ID1: variants seen among roughly 807,000 people sequenced by gnomAD.
The protein encoded by ID1 is DNA-binding protein inhibitor ID-1.
A neutral mutation model predicts 11.3 loss-of-function variants in ID1; 8 were observed. That is an observed-to-expected ratio of 0.71 (90% confidence interval 0.42 to 1.28). The LOEUF (loss-of-function observed/expected upper bound fraction) is 1.28. Among genes scored for constraint, ID1 ranks in the 50% most tolerant of loss-of-function variants. The pLI is 0.01. For missense variants in ID1, 347 were observed against 219.8 expected, an observed-to-expected ratio of 1.58 and a Z score of -3.66; for synonymous variants, 176 against 100.2, an observed-to-expected ratio of 1.76 and a Z score of -4.52.
Position 31,605,826 on chromosome 20 carries a change from TC to T in ID1, c.426+15del. ...CCTGACGGCCGAGGTGAGATCCAGA[TC>T]CGACCACTAGATCATCCTTATACCG... On this transcript the variant is annotated intron_variant, in intron 1 of 1. Transcript: ENST00000376112. 4 of 1,610,748 alleles carry T rather than the reference TC, an allele frequency of 2.5e-6. No homozygotes were observed. The highest frequency in any genetic ancestry group is 3.4e-6 in the Non-Finnish European group (4 of 1,178,646).
Position 31,605,694 on chromosome 20 carries a change from A to G in ID1, c.307A>G (p.Arg103Gly), listed in dbSNP as rs1259083159. 1 of 1,611,604 alleles carries G rather than the reference A, an allele frequency of 6.2e-7. No homozygotes were observed. ...EILQHVIDYI[R>G]DLQLELNSES... ...TCTCCAGCACGTCATCGACTACATC[A>G]GGGACCTTCAGTTGGAGCTGAACTC... The change falls in exon 1 of 2, where the codon AGG (arginine) becomes GGG (glycine). Residue 103 changes from arginine to glycine, a missense_variant. Arg to Gly is a moderately radical substitution (Grantham distance 125, BLOSUM62 -2). Coordinates refer to ENST00000376112, the MANE Select transcript of ID1 (RefSeq NM_002165.4).
At position 31,606,127 on chromosome 20, in the gene ID1, C is replaced by T. The variant is rs746442620; in HGVS notation, c.*33C>T. On this transcript the variant is annotated 3_prime_UTR_variant, in exon 2 of 2. Coordinates refer to ENST00000376112, the MANE Select transcript of ID1 (RefSeq NM_002165.4). ...CCCCCAGGGACCGGCGGACCCCAGC[C>T]ATCCAGGGGGCAAGAGGAATTACGT... 1.3e-6 allele frequency: 2 copies of T among 1,597,090 alleles called. No individual in the cohort carries two copies. The highest frequency in any genetic ancestry group is 1.1e-5 in the South Asian group (1 of 90,740).
chr20:31,606,340 T>C lies in ID1; in HGVS notation c.*246T>C. The C allele has an allele frequency of 3.6e-6, 2 of 561,164 alleles. No homozygotes were observed. The highest frequency in any genetic ancestry group is 1.9e-5 in the African/African-American group (1 of 52,938). 34.8% of individuals were successfully genotyped at this position (561,164 alleles called of 1,614,324 possible). On this transcript the variant is annotated 3_prime_UTR_variant, in exon 2 of 2. Coordinates refer to ENST00000376112, the MANE Select transcript of ID1 (RefSeq NM_002165.4). ...GGGGGTGGGATTCCACTCGTGTGTT[T>C]CTATTTTTTGAAAAGCAGACATTTT...
chr20:31,605,382 A>AG lies in ID1; in HGVS notation c.-5dup. 1 of 1,596,934 alleles carries AG rather than the reference A, an allele frequency of 6.3e-7. No individual in the cohort carries two copies. The highest frequency in any genetic ancestry group is 8.5e-7 in the Non-Finnish European group (1 of 1,177,002). On this transcript the variant is annotated 5_prime_UTR_variant, in exon 1 of 2. Transcript: ENST00000376112. ...CCCATTCTGTTTCAGCCAGTCGCCA[A>AG]GAATCATGAAAGTCGCCAGTGGCAG... is the stretch of plus-strand genomic sequence containing the variant.
rs762454677 is a variant in ID1 at position 31,605,485 on chromosome 20, GCTGT to G, written c.106_109del (p.Glu37ArgfsTer25). On this transcript the variant is annotated frameshift_variant, in exon 1 of 2. Transcript: ENST00000376112. LOFTEE classifies it high-confidence loss of function. ...GCGAGCGGTGCGGGCGAGGTGGTGC[GCTGT>G]CTGTCTGAGCAGAGCGTGGCCATCT... 1.4e-5 allele frequency: 23 copies of G among 1,605,726 alleles called. 1 individual carries two copies. Among genetic ancestry groups the G allele is most frequent in the African/African-American group, 2.7e-5 (2 of 74,750 alleles).
Position 31,605,484 on chromosome 20 carries a change from C to A in ID1, c.97C>A (p.Arg33Ser). ...KTASGAGEVV[R>S]CLSEQSVAIS... ...AGCGAGCGGTGCGGGCGAGGTGGTG[C>A]GCTGTCTGTCTGAGCAGAGCGTGGC... The change falls in exon 1 of 2, where the codon CGC (arginine) becomes AGC (serine). Residue 33 changes from arginine (R) to serine (S), a missense_variant. Arg to Ser is a moderately radical substitution (Grantham distance 110, BLOSUM62 -1). Transcript: ENST00000376112. 6.2e-7 allele frequency: 1 copy of A among 1,605,840 alleles called. No homozygotes were observed. Among genetic ancestry groups the A allele is most frequent in the Non-Finnish European group, 8.5e-7 (1 of 1,175,920 alleles).
In ID1 at chr20:31,606,141, G is replaced by A. The variant is rs761909488; in HGVS notation, c.*47G>A. ...CGGACCCCAGCCATCCAGGGGGCAA[G>A]AGGAATTACGTGCTCTGTGGGTCTC... On this transcript the variant is annotated 3_prime_UTR_variant, in exon 2 of 2. Coordinates refer to ENST00000376112, the MANE Select transcript of ID1 (RefSeq NM_002165.4). 9.5e-6 allele frequency: 15 copies of A among 1,574,038 alleles called. No individual in the cohort carries two copies. The highest frequency in any genetic ancestry group is 1.3e-5 in the Non-Finnish European group (15 of 1,148,800).
Position 31,606,505 on chromosome 20 carries a change from A to G in ID1, c.*411A>G, listed in dbSNP as rs1309738235. Reference sequence around the variant, plus strand: ...TTTTGTTATTAAACAAATAATTTAGATGGTGGTAAAGTTGTAGTGACTTCT... The same window carrying G: ...TTTTGTTATTAAACAAATAATTTAGGTGGTGGTAAAGTTGTAGTGACTTCT... On this transcript the variant is annotated 3_prime_UTR_variant, in exon 2 of 2. Coordinates refer to ENST00000376112, the MANE Select transcript of ID1 (RefSeq NM_002165.4). 2.0e-5 allele frequency: 4 copies of G among 199,090 alleles called. No homozygotes were observed. The highest frequency in any genetic ancestry group is 4.7e-5 in the African/African-American group (2 of 42,222). The allele number at this position is 199,090 out of a possible 1,614,324, so 12.3% of individuals were successfully genotyped here.
rs752824585 is a variant in ID1 at position 31,605,338 on chromosome 20, C to T, written c.-50C>T. On this transcript the variant is annotated 5_prime_UTR_variant, in exon 1 of 2. Coordinates refer to ENST00000376112, the MANE Select transcript of ID1 (RefSeq NM_002165.4). ...TTTCCGTATCTGCTTCGGGCTTCCA[C>T]CTCATTTTTTTCGCTTTGCCCATTC... 17 of 1,528,656 alleles carry T rather than the reference C, an allele frequency of 1.1e-5. No individual in the cohort carries two copies. Among genetic ancestry groups the T allele is most frequent in the Non-Finnish European group, 1.2e-5 (14 of 1,133,236 alleles). 94.7% of individuals were successfully genotyped at this position (1,528,656 alleles called of 1,614,324 possible). A position where few individuals can be genotyped will look rare whatever the true frequency, so the allele number is the denominator to read the frequency against.
At position 31,605,790 on chromosome 20, in the gene ID1, G is replaced by A; in HGVS notation, c.403G>A (p.Glu135Lys). The change falls in exon 1 of 2, where the codon GAG becomes AAG. Residue 135 changes from glutamate (E) to lysine (K), a missense_variant. Physicochemically the swap from Glu to Lys is moderately conservative, Grantham distance 56. Coordinates refer to ENST00000376112, the MANE Select transcript of ID1 (RefSeq NM_002165.4). ...VRAPLSTLNG[E>K]ISALTAEAAC... is the part of the protein sequence containing the mutation. ...GGCTCCGCTCAGCACCCTCAACGGC[G>A]AGATCAGCGCCCTGACGGCCGAGGT... The A allele has an allele frequency of 1.2e-6, 2 of 1,611,464 alleles. No individual in the cohort carries two copies. Among genetic ancestry groups the A allele is most frequent in the Non-Finnish European group, 8.5e-7 (1 of 1,178,912 alleles).
At position 31,605,430 on chromosome 20, in the gene ID1, C is replaced by T. The variant is rs766275400; in HGVS notation, c.43C>T (p.Pro15Ser). The T allele has an allele frequency of 3.1e-6, 5 of 1,608,042 alleles. No homozygotes were observed. Among genetic ancestry groups the T allele is most frequent in the Non-Finnish European group, 4.2e-6 (5 of 1,178,492 alleles). The change falls in exon 1 of 2, where the codon CCC becomes TCC. Residue 15 changes from proline (P) to serine (S), a missense_variant. Physicochemically the swap from Pro to Ser is moderately conservative, Grantham distance 74. Transcript: ENST00000376112. ...CAGCACCGCCACCGCCGCCGCGGGC[C>T]CCAGCTGCGCGCTGAAGGCCGGCAA... ...SGSTATAAAG[P>S]SCALKAGKTA...
chr20:31,605,798 C>A lies in ID1; in HGVS notation c.411C>A (p.Ser137Arg). ...APLSTLNGEI[S>R]ALTAEAACVP... is the part of the protein sequence containing the mutation. ...TCAGCACCCTCAACGGCGAGATCAG[C>A]GCCCTGACGGCCGAGGTGAGATCCA... Residue 137 changes from serine to arginine, a missense_variant, in exon 1 of 2, where the codon AGC becomes AGA. Physicochemically the swap from Ser to Arg is moderately radical, Grantham distance 110. Transcript: ENST00000376112. The A allele has an allele frequency of 1.9e-6, 3 of 1,611,400 alleles. No individual in the cohort carries two copies. Among genetic ancestry groups the A allele is most frequent in the Non-Finnish European group, 2.5e-6 (3 of 1,178,912 alleles).
rs1481884045 is a variant in ID1 at position 31,605,292 on chromosome 20, C to T, written c.-96C>T. 8 of 1,178,826 alleles carry T rather than the reference C, an allele frequency of 6.8e-6. No homozygotes were observed. Among genetic ancestry groups the T allele is most frequent in the African/African-American group, 3.2e-5 (2 of 62,504 alleles). The allele number at this position is 1,178,826 out of a possible 1,614,324, so 73.0% of individuals were successfully genotyped here. On this transcript the variant is annotated 5_prime_UTR_variant, in exon 1 of 2. Transcript: ENST00000376112. ...CAAGCTGTGGCTCCGCACTCTCATT[C>T]CACGTTCTTAACTGTTCCATTTTCC...
In ID1 at chr20:31,606,236, C is replaced by G. The variant is rs1178833588; in HGVS notation, c.*142C>G. ...GCGGCCACTGCGCCCTTAACTGCAT[C>G]CAGCCTGGGGCTGAGGCTGAGGCAC... On this transcript the variant is annotated 3_prime_UTR_variant, in exon 2 of 2. Transcript: ENST00000376112. The G allele has an allele frequency of 5.0e-5, 43 of 859,182 alleles. No individual in the cohort carries two copies. The South Asian group carries it at 6.2e-4, about 12-fold the overall frequency. 53.2% of individuals were successfully genotyped at this position (859,182 alleles called of 1,614,324 possible).
Position 31,605,639 on chromosome 20 carries a change from C to T in ID1, c.252C>T (p.Pro84=), listed in dbSNP as rs1047105042. 2 of 1,600,300 alleles carry T rather than the reference C, an allele frequency of 1.2e-6. No homozygotes were observed. Among genetic ancestry groups the T allele is most frequent in the African/African-American group, 1.3e-5 (1 of 74,330 alleles). The part of the protein sequence containing the change: ...SRLKELVPTL[P]QNRKVSKVEI... ...TCAAGGAGCTGGTGCCCACCCTGCC[C>T]CAGAACCGCAAGGTGAGCAAGGTGG... Residue 84 remains proline (P), a synonymous_variant, in exon 1 of 2, where the codon CCC becomes CCT. Transcript: ENST00000376112.
At position 31,605,780 on chromosome 20, in the gene ID1, C is replaced by T. The variant is rs149142371; in HGVS notation, c.393C>T (p.Thr131=). The part of the protein sequence containing the change: ...RGLPVRAPLS[T]LNGEISALTA... ...TGCCGGTCCGGGCTCCGCTCAGCAC[C>T]CTCAACGGCGAGATCAGCGCCCTGA... The change falls in exon 1 of 2, where the codon ACC becomes ACT. Residue 131 remains threonine (T), a synonymous_variant. Transcript: ENST00000376112. 21 of 1,611,200 alleles carry T rather than the reference C, an allele frequency of 1.3e-5. No homozygotes were observed. The highest frequency in any genetic ancestry group is 1.2e-4 in the Admixed American group (7 of 59,692).
chr20:31,605,657 C>T lies in ID1; in HGVS notation c.270C>T (p.Ser90=). Residue 90 remains serine, a synonymous_variant, in exon 1 of 2, where the codon AGC becomes AGT. Coordinates refer to ENST00000376112, the MANE Select transcript of ID1 (RefSeq NM_002165.4). ...VPTLPQNRKV[S]KVEILQHVID... ...CCCTGCCCCAGAACCGCAAGGTGAGCAAGGTGGAGATTCTCCAGCACGTCA... is the reference window on the plus strand; with the variant it reads ...CCCTGCCCCAGAACCGCAAGGTGAGTAAGGTGGAGATTCTCCAGCACGTCA... 6.2e-7 allele frequency: 1 copy of T among 1,607,266 alleles called. No individual in the cohort carries two copies. The highest frequency in any genetic ancestry group is 8.5e-7 in the Non-Finnish European group (1 of 1,176,888).
chr20:31,605,860 A>C (rs745934332), intron 1 of ID1, 47 bp downstream of exon 1: 18 of 1,596,514 alleles, frequency 1.1e-5, no homozygotes, highest in Middle Eastern at 1.7e-4. Flanking sequence ...CCGACGGGGA[A>C]ACGGAGGCCA....
Position 31,605,513 on chromosome 20 carries a change from C to T in ID1, c.126C>T (p.Ile42=), listed in dbSNP as rs1243009516. The T allele has an allele frequency of 6.9e-6, 11 of 1,583,446 alleles. 1 individual carries two copies. The Admixed American group carries it at 9.1e-5, about 13-fold the overall frequency. Residue 42 remains isoleucine, a synonymous_variant, in exon 1 of 2, where the codon ATC becomes ATT. Transcript: ENST00000376112. The part of the protein sequence containing the change: ...VRCLSEQSVA[I]SRCAGGAGAR... ...GTCTGTCTGAGCAGAGCGTGGCCAT[C>T]TCGCGCTGCGCCGGGGGCGCCGGGG... is the stretch of plus-strand genomic sequence containing the variant.
Sources: gnomAD v4.1 joint callset for allele counts on GRCh38, gnomAD v4.1.1 for gene constraint, MANE v1.5 for transcripts, NCBI Gene and HGNC (gene_info 2026-07-23, HGNC 2026-07-21) for gene names.